Variants in PCSK1 observed in about 807,000 individuals in gnomAD.
PCSK1 encodes proprotein convertase subtilisin/kexin type 1.
Under a neutral mutation model 90.6 loss-of-function variants are expected in PCSK1, and 56 were observed. The ratio of observed to expected loss-of-function variants is 0.62; its 90% CI spans 0.50 to 0.77. The LOEUF (loss-of-function observed/expected upper bound fraction) is 0.77, where lower values mean the gene tolerates loss of function less well. Among genes scored for constraint, PCSK1 ranks in the 30% least tolerant of loss-of-function variants. The pLI is 0.00. For synonymous variants in PCSK1, 348 were observed against 342.4 expected, an observed-to-expected ratio of 1.02 and a Z score of -0.18; for missense variants, 801 against 932.6, an observed-to-expected ratio of 0.86 and a Z score of 1.84.
At chr5:96,406,817 A>G (rs1760585817) in intron 9 of PCSK1, among the ~76,000 whole-genome samples, 1 of 152,260 alleles carries the variant, frequency 6.6e-6, no homozygotes, top group Non-Finnish European at 1.5e-5. Flanking sequence ...GTAATTTACA[A>G]GTTTAATCAC....
Position 96,408,295 on chromosome 5 carries a change from G to T in PCSK1, c.1124C>A (p.Thr375Lys), listed in dbSNP as rs766414747. The T allele has an allele frequency of 1.9e-6, 3 of 1,613,952 alleles. No individual in the cohort carries two copies. Among genetic ancestry groups the T allele is most frequent in the Non-Finnish European group, 2.5e-6 (3 of 1,179,880 alleles). Residue 375 changes from threonine (T) to lysine (K), a missense_variant, in exon 9 of 14, where the codon ACG becomes AAG. Transcript: ENST00000311106. ...GGCCGAGGTGCCTGTGTGCGTCTCC[G>T]TGCAGTCATTGTGCAGGTCAGCGCT... ...ITSADLHNDC[T>K]ETHTGTSASA...
At chr5:96,419,055 C>A (rs1045361456) in intron 5 of PCSK1, among the ~76,000 whole-genome samples, 1 of 151,862 alleles carries the variant, frequency 6.6e-6, no homozygotes, top group Non-Finnish European at 1.5e-5. Context: ...TATGTCCAAG[C>A]CAAATATCCT....
At chr5:96,397,283 T>A (rs746032437) in intron 12 of PCSK1, 53 bp downstream of exon 12, 2 of 1,550,474 alleles carry the variant, frequency 1.3e-6, no homozygotes, top group Non-Finnish European at 1.8e-6. Flanking sequence ...TAAAAGTGCT[T>A]CAAAATGTTT....
chr5:96,397,631 T>C (rs1282462622), intron 11 of PCSK1, among the ~76,000 whole-genome samples, 162 bp from the exon 12 acceptor site: 4 of 152,226 alleles, frequency 2.6e-5, no homozygotes, highest in Admixed American at 1.3e-4. Flanking sequence ...AAAAATATGA[T>C]GTTTTTATCT....
rs6230 is a variant in PCSK1, at chr5:96,433,143, A to G, written c.-101T>C. ...CTCCCCCTTCCCACCCTCGGGCTCT[A>G]GACCACTCCTGGCTCCTGGTTGCTC... On this transcript the variant is annotated 5_prime_UTR_variant, in exon 1 of 14. Transcript: ENST00000311106. The G allele has an allele frequency of 0.19, 215,666 of 1,125,084 alleles. 22,205 individuals are homozygous for G. Among genetic ancestry groups the G allele is most frequent in the East Asian group, 0.3 (12,934 of 42,476 alleles). 69.7% of individuals were successfully genotyped at this position (1,125,084 alleles called of 1,614,324 possible).
Position 96,404,698 on chromosome 5 carries a change from G to A in PCSK1, c.1196+3525C>T, listed in dbSNP as rs576815923. 5.3e-5 allele frequency among the ~76,000 whole-genome samples: 8 copies of A among 152,314 alleles called. No homozygotes were observed. In the South Asian group the frequency reaches 1.7e-3, roughly 32 times the overall value. On this transcript the variant is annotated intron_variant, in intron 9 of 13. Coordinates refer to ENST00000311106, the MANE Select transcript of PCSK1 (RefSeq NM_000439.5). ...GCCTCTCCCTCACAGGGCTGTGGGA[G>A]GCTGCAAGGTGTGGTTGCTGATAGC... is the stretch of plus-strand genomic sequence containing the variant.
At chr5:96,399,129 T>C (rs1193240179) in intron 10 of PCSK1, 93 bp from the exon 11 acceptor site, 13 of 896,572 alleles carry the variant, frequency 1.4e-5, no homozygotes, top group Non-Finnish European at 2.1e-5. Context: ...GACTAGATGC[T>C]CAACTAAGCT....
At chr5:96,416,809 G>C (rs1760951092) in intron 5 of PCSK1, among the ~76,000 whole-genome samples, 1 of 152,220 alleles carries the variant, frequency 6.6e-6, no homozygotes, top group African/African-American at 2.4e-5. Flanking sequence ...GTCAAGCAAA[G>C]AGGGTAATTT....
In PCSK1 at chr5:96,429,668, C is replaced by T. The variant is rs13164447; in HGVS notation, c.181-351G>A. 0.038 allele frequency among the ~76,000 whole-genome samples: 5,809 copies of T among 152,240 alleles called. 149 individuals carry two copies. The highest frequency in any genetic ancestry group is 0.06 in the Non-Finnish European group (4,081 of 68,006). ...TCCCCTCTATGTATTTACGTGTTCT[C>T]ATCATTTAGCTCTCACTTGTGAGTG... On this transcript the variant is annotated intron_variant, in intron 1 of 13. Transcript: ENST00000311106.
At chr5:96,402,891 T>G (rs1262241143) in intron 9 of PCSK1, among the ~76,000 whole-genome samples, 1 of 152,164 alleles carries the variant, frequency 6.6e-6, no homozygotes, top group Non-Finnish European at 1.5e-5. Context: ...TGCCTCATGA[T>G]CACCTGGTAC....
At chr5:96,411,921 T>A (rs1421735326) in intron 7 of PCSK1, among the ~76,000 whole-genome samples, 1 of 152,194 alleles carries the variant, frequency 6.6e-6, no homozygotes, top group Non-Finnish European at 1.5e-5. Context: ...GCAATTCTTG[T>A]GCCTCAGCCT....
At position 96,396,183 on chromosome 5, in the gene PCSK1, TC is replaced by T; in HGVS notation, c.1722+1152del. On this transcript the variant is annotated intron_variant, in intron 12 of 13. Coordinates refer to ENST00000311106, the MANE Select transcript of PCSK1 (RefSeq NM_000439.5). ...AGCAGTCTTTAGGAGAAAGCTATCC[TC>T]AGAGAAAAAAATGTAACAAACGACT... Among the ~76,000 whole-genome samples, 5 of 152,234 alleles carry T rather than the reference TC, an allele frequency of 3.3e-5. 1 individual carries two copies. The highest frequency in any genetic ancestry group is 3.3e-4 in the Admixed American group (5 of 15,298).
intron 13 of PCSK1, among the ~76,000 whole-genome samples, chr5:96,394,015 T>C (rs1192227176): frequency 6.6e-6 from 1 of 152,174 alleles, no homozygotes; most frequent in Non-Finnish European, 1.5e-5. Flanking sequence ...AGGACTCAGG[T>C]CCTGGAGGGA....
At chr5:96,425,788 C>A (rs760792675) in intron 3 of PCSK1, 32 bp downstream of exon 3, 2 of 1,203,392 alleles carry the variant, frequency 1.7e-6, no homozygotes, top group East Asian at 2.3e-5. Flanking sequence ...GGTCCCAGGT[C>A]CCACCCACAT....
At chr5:96,423,767 A>T (rs1386006055) in intron 3 of PCSK1, among the ~76,000 whole-genome samples, 2 of 152,166 alleles carry the variant, frequency 1.3e-5, no homozygotes, top group Non-Finnish European at 2.9e-5. Context: ...TTATAATAAC[A>T]TGCTCAACCC....
chr5:96,412,216 A>G lies in PCSK1; in HGVS notation c.882+102T>C, dbSNP rs77283701. On this transcript the variant is annotated intron_variant, in intron 7 of 13. Coordinates refer to ENST00000311106, the MANE Select transcript of PCSK1 (RefSeq NM_000439.5). ...AAATTGTAAAGGACTTTGTTAAGAAATCCACAACAATGTTATTCCATGTAA... is the reference window on the plus strand; with the variant it reads ...AAATTGTAAAGGACTTTGTTAAGAAGTCCACAACAATGTTATTCCATGTAA... 4.9e-3 allele frequency: 5,108 copies of G among 1,034,700 alleles called. 176 individuals carry two copies. The African/African-American group carries it at 0.072, about 15-fold the overall frequency. The allele number at this position is 1,034,700 out of a possible 1,614,324, so 64.1% of individuals were successfully genotyped here. A position where few individuals can be genotyped will look rare whatever the true frequency, so the allele number is the denominator to read the frequency against.
chr5:96,403,569 G>A (rs893278644), intron 9 of PCSK1, among the ~76,000 whole-genome samples: 12 of 152,122 alleles, frequency 7.9e-5, no homozygotes, highest in Admixed American at 3.9e-4. Context: ...TGACATCCAC[G>A]ATAATTAAAT....
chr5:96,393,423 T>C, intron 13 of PCSK1, 45 bp from the exon 14 acceptor site: 1 of 1,610,928 alleles, frequency 6.2e-7, no homozygotes, highest in Non-Finnish European at 8.5e-7. Context: ...GGTTCATTAT[T>C]TATGGCCAGG....
chr5:96,420,071 TA>T (rs1376847510), intron 5 of PCSK1, among the ~76,000 whole-genome samples: 1 of 152,140 alleles, frequency 6.6e-6, no homozygotes, highest in Non-Finnish European at 1.5e-5. Context: ...CCCGTAGTCT[TA>T]ACCAAGGGGG....
Sources: allele counts gnomAD v4.1 joint callset (sites outside exome capture counted in the v4.1 genomes callset), GRCh38; gene constraint gnomAD v4.1.1; transcripts MANE v1.5; gene names NCBI Gene and HGNC (gene_info 2026-07-23, HGNC 2026-07-21).